Variants in AQR observed in about 807,000 individuals in gnomAD.
The protein encoded by AQR is RNA helicase aquarius.
In AQR, 61 loss-of-function variants were observed where a neutral mutation model predicts 180.5. That is an observed-to-expected ratio of 0.34 (90% CI 0.28 to 0.42). AQR has a LOEUF of 0.42. AQR is among the 10% of genes least tolerant of loss of function. The pLI, the probability that AQR is intolerant of heterozygous loss-of-function variation, is 1.00. For synonymous variants in AQR, 551 were observed against 588.8 expected (o/e 0.94, Z 0.93); for missense variants, 1,281 against 1,798.3 (o/e 0.71, Z 5.20).
chr15:34,940,392 T>C (rs1051101702), intron 8 of AQR, among the ~76,000 whole-genome samples: 1 of 152,098 alleles, frequency 6.6e-6, no homozygotes, highest in Non-Finnish European at 1.5e-5. Context: ...TAGCCAGGCG[T>C]GGTGGCGCAT....
At chr15:34,905,585 G>A (rs1595792706) in intron 18 of AQR, among the ~76,000 whole-genome samples, 1 of 150,386 alleles carries the variant, frequency 6.6e-6, no homozygotes, top group Non-Finnish European at 1.5e-5. Context: ...CCTCTATCCC[G>A]GTCATTTGAA....
chr15:34,897,056 T>C (rs1893256774), intron 21 of AQR, 90 bp from the exon 22 acceptor site: 2 of 1,035,382 alleles, frequency 1.9e-6, no homozygotes, highest in South Asian at 2.9e-5. Context: ...GGTCTAAATA[T>C]CTGCTCTGTA....
intron 18 of AQR, among the ~76,000 whole-genome samples, chr15:34,906,161 C>T (rs1893412703): frequency 6.6e-6 from 1 of 151,830 alleles, no homozygotes; most frequent in Admixed American, 6.6e-5. Context: ...AAGTGGAGTG[C>T]TTGATCTCAG....
At chr15:34,968,054 C>T (rs902928268) in intron 1 of AQR, among the ~76,000 whole-genome samples, 5 of 152,078 alleles carry the variant, frequency 3.3e-5, no homozygotes, top group Admixed American at 2.6e-4. Context: ...CTCAGGTGAT[C>T]GACCTGCCAC....
chr15:34,962,192 TTTGTATTTTTGGTAGAGA>T (rs2050283558), intron 2 of AQR, among the ~76,000 whole-genome samples: 1 of 151,930 alleles, frequency 6.6e-6, no homozygotes, highest in Non-Finnish European at 1.5e-5. Context: ...CACCTAATTT[TTTGTATTTTTGGTAGAGA>T]TGGGGTTTCA....
At position 34,918,332 on chromosome 15, in the gene AQR, T is replaced by C. The variant is rs750635732; in HGVS notation, c.1268A>G (p.Gln423Arg). Residue 423 changes from glutamine (Q) to arginine (R), a missense_variant, in exon 15 of 35, where the codon CAG becomes CGG. Physicochemically the swap from Gln to Arg is conservative, Grantham distance 43. Transcript: ENST00000156471. Reference protein sequence around the residue: ...RRISQIQQLNQMPLYPTEKII... With the variant: ...RRISQIQQLNRMPLYPTEKII... ...TTTCTCAGTTGGATACAAAGGCATC[T>C]GGTTCAACTGCTGAATCTGAGAAAT... is the stretch of plus-strand genomic sequence containing the variant. The C allele has an allele frequency of 1.2e-5, 19 of 1,613,804 alleles. No homozygotes were observed. The East Asian group carries it at 3.8e-4, about 32-fold the overall frequency.
In AQR at chr15:34,897,655, T is replaced by A. The variant is rs779025379; in HGVS notation, c.2294A>T (p.Asp765Val). Residue 765 changes from aspartate (D) to valine (V), a missense_variant, in exon 21 of 35, where the codon GAT (aspartate) becomes GTT (valine). Physicochemically the swap from Asp to Val is radical, Grantham distance 152. Coordinates refer to ENST00000156471, the MANE Select transcript of AQR (RefSeq NM_014691.3). ...SGKGKKRKDA[D>V]VEDEDTEEAK... is the part of the protein sequence containing the mutation. ...TTCCTCGGTGTCTTCATCTTCCACA[T>A]CCGCATCTTTCCTTTTCTTCCCTTT... The A allele has an allele frequency of 3.7e-6, 6 of 1,614,110 alleles. No homozygotes were observed. The South Asian group carries it at 6.6e-5, about 18-fold the overall frequency.
Position 34,882,484 on chromosome 15 carries a change from ACTACCAT to A in AQR, c.3165+11_3165+17del. 4 of 1,475,250 alleles carry A rather than the reference ACTACCAT, an allele frequency of 2.7e-6. No homozygotes were observed. Among genetic ancestry groups the A allele is most frequent in the East Asian group, 2.4e-5 (1 of 41,538 alleles). 91.4% of individuals were successfully genotyped at this position (1,475,250 alleles called of 1,614,324 possible). A position where few individuals can be genotyped will look rare whatever the true frequency, so the allele number is the denominator to read the frequency against. On this transcript the variant is annotated intron_variant, in intron 27 of 34. Transcript: ENST00000156471. ...TAATCTTAAAAAAAAAAAAAAAAAA[ACTACCAT>A]AAGTCTTTACCTTGAAACCTAGCTT...
At chr15:34,925,774 A>G (rs1893751793) in intron 13 of AQR, among the ~76,000 whole-genome samples, 1 of 152,036 alleles carries the variant, frequency 6.6e-6, no homozygotes, top group Non-Finnish European at 1.5e-5. Flanking sequence ...CAGAGGTTGC[A>G]GTGAGCCGAG....
At chr15:34,893,467 T>A (rs983513328) in intron 23 of AQR, among the ~76,000 whole-genome samples, 196 bp downstream of exon 23, 2 of 152,048 alleles carry the variant, frequency 1.3e-5, no homozygotes, top group Admixed American at 1.3e-4. Flanking sequence ...CAGAATATAT[T>A]AGGGAACAGG....
chr15:34,965,392 C>G (rs1321641024), intron 1 of AQR, among the ~76,000 whole-genome samples: 1 of 152,150 alleles, frequency 6.6e-6, no homozygotes, highest in Non-Finnish European at 1.5e-5. Flanking sequence ...ACCTTCCGGC[C>G]AGGCATGGTG....
intron 28 of AQR, 27 bp downstream of exon 28, chr15:34,875,908 C>A: frequency 1.3e-6 from 2 of 1,559,042 alleles, no homozygotes; most frequent in South Asian, 2.2e-5. Flanking sequence ...ACTCTATTTT[C>A]TTTGCCTCAG....
At position 34,888,419 on chromosome 15, in the gene AQR, C is replaced by T. The variant is rs893331508; in HGVS notation, c.2682-1758G>A. Among the ~76,000 whole-genome samples, 4 of 152,226 alleles carry T rather than the reference C, an allele frequency of 2.6e-5. No individual in the cohort carries two copies. The East Asian group carries it at 5.8e-4, about 22-fold the overall frequency. On this transcript the variant is annotated intron_variant, in intron 24 of 34. Transcript: ENST00000156471. ...ATTATTTTTAAAAAGCAACATAAGG[C>T]TGGGCGCGGTGGCACACGCCTGTAA...
intron 13 of AQR, among the ~76,000 whole-genome samples, chr15:34,924,680 C>CGGA (rs1893731118): frequency 2.6e-5 from 4 of 152,176 alleles, no homozygotes; most frequent in African/African-American, 9.7e-5. Flanking sequence ...ATCCGCCCAC[C>CGGA]TCAGCCTCCC....
chr15:34,904,324 C>A lies in AQR; in HGVS notation c.2001+12G>T. 1 of 1,551,364 alleles carries A rather than the reference C, an allele frequency of 6.4e-7. No homozygotes were observed. The highest frequency in any genetic ancestry group is 8.7e-7 in the Non-Finnish European group (1 of 1,143,560). On this transcript the variant is annotated intron_variant, in intron 19 of 34. Transcript: ENST00000156471. The stretch of plus-strand genomic sequence containing the variant: ...ATGACATAGTACTTTTAGTTACATA[C>A]CCCCAAATTACCTTAAAGTTATTTT...
rs1041303161 is a variant in AQR at position 34,853,560 on chromosome 15, C to T, written c.*3232G>A. On this transcript the variant is annotated 3_prime_UTR_variant, in exon 35 of 35. Transcript: ENST00000156471. ...TCAGTAACCTGATCCTAGATAGATC[C>T]TCAAAGGTCAACTGCCACTAGGTGT... The T allele has an allele frequency of 2.6e-5, 4 of 152,122 alleles. No individual in the cohort carries two copies. The highest frequency in any genetic ancestry group is 9.7e-5 in the African/African-American group (4 of 41,412). 9.4% of individuals were successfully genotyped at this position (152,122 alleles called of 1,614,324 possible).
rs1201860578 is a variant in AQR, at chr15:34,915,182, G to T, written c.1343-3C>A. 1 of 1,564,550 alleles carries T rather than the reference G, an allele frequency of 6.4e-7. No homozygotes were observed. On this transcript the variant is annotated splice_region_variant and splice_polypyrimidine_tract_variant and intron_variant, in intron 15 of 34. Coordinates refer to ENST00000156471, the MANE Select transcript of AQR (RefSeq NM_014691.3). ...CAATTTGGGAAGAGCAAGACAACCT[G>T]AAAAGGAAAAAAACATCCATATTTC...
chr15:34,937,893 T>A (rs1038915865), intron 9 of AQR, among the ~76,000 whole-genome samples: 11 of 147,886 alleles, frequency 7.4e-5, no homozygotes, highest in South Asian at 6.4e-4. Context: ...CAAAAAAAAA[T>A]AATAATAATT....
intron 2 of AQR, 72 bp downstream of exon 2, chr15:34,964,162 A>G: frequency 9.5e-7 from 1 of 1,055,166 alleles, no homozygotes; most frequent in Non-Finnish European, 1.4e-6. Context: ...AATTATGGAA[A>G]GCTTTTGTTG....
Sources: gnomAD v4.1 joint callset for allele counts (sites outside exome capture counted in the v4.1 genomes callset) on GRCh38, gnomAD v4.1.1 for gene constraint, MANE v1.5 for transcripts, NCBI Gene and HGNC (gene_info 2026-07-23, HGNC 2026-07-21) for gene names.